The following PRELID2 variants were observed in gnomAD, a reference collection of about 807,000 sequenced individuals.
PRELID2 encodes PRELI domain-containing protein 2.
Under a neutral mutation model 28.4 loss-of-function variants are expected in PRELID2, and 25 were observed. The ratio of observed to expected loss-of-function variants is 0.88; its 90% confidence interval spans 0.64 to 1.23. PRELID2 has a LOEUF of 1.23. Ranked by LOEUF, PRELID2 falls within the 50% of genes most tolerant of loss-of-function variation. PRELID2 has a pLI of 0.00. For synonymous variants in PRELID2, 76 were observed against 71.6 expected, an observed-to-expected ratio of 1.06 and a Z score of -0.31; for missense variants, 201 against 214.4, an observed-to-expected ratio of 0.94 and a Z score of 0.39.
At chr5:145,563,066 G>A (rs768757471) in intron 1 of PRELID2, among the ~76,000 whole-genome samples, 2 of 152,182 alleles carry the variant, frequency 1.3e-5, no homozygotes, top group African/African-American at 2.4e-5. Context: ...CTTTGTTAAT[G>A]TGGCTCATGC....
At chr5:145,305,860 T>A in the PRELID2 span, among the ~76,000 whole-genome samples, 1 of 152,118 alleles carries the variant, frequency 6.6e-6, no homozygotes, top group South Asian at 2.1e-4. Context: ...CTTCCCCACA[T>A]CTCTTACCCT....
Position 145,785,798 on chromosome 5 carries a change from A to G in PRELID2, c.474+10644T>C, listed in dbSNP as rs572891657. Among the ~76,000 whole-genome samples the G allele has an allele frequency of 1.3e-4, 20 of 152,352 alleles. No individual in the cohort carries two copies. The South Asian group carries it at 4.1e-3, about 32-fold the overall frequency. ...TTGTGCCATCAGGGTGTAAGTCTCT[A>G]TCTAGCAAGACCTTCACCCTCCAAC... On this transcript the variant is annotated intron_variant, in intron 5 of 6. Coordinates refer to ENST00000683046, the MANE Select transcript of PRELID2 (RefSeq NM_205846.3).
intron 1 of PRELID2, among the ~76,000 whole-genome samples, chr5:145,615,828 A>G (rs1489044183): frequency 6.6e-6 from 1 of 152,136 alleles, no homozygotes; most frequent in Non-Finnish European, 1.5e-5. Context: ...TTCATTTTAC[A>G]AGTCCTGTAA....
At chr5:145,765,847 T>C (rs537864060) in intron 5 of PRELID2, among the ~76,000 whole-genome samples, 141 of 152,342 alleles carry the variant, frequency 9.3e-4, no homozygotes, top group Non-Finnish European at 1.6e-3. Context: ...ACCCACATTT[T>C]ACTGACGAGG....
the PRELID2 span, chr5:145,337,863 GTTC>G: frequency 2.0e-5 from 3 of 151,224 alleles, no homozygotes; most frequent in Non-Finnish European, 4.4e-5. Context: ...ACATGGATGT[GTTC>G]TTCTTGTTCA....
chr5:145,229,438 C>G, the PRELID2 span: 11 of 805,068 alleles, frequency 1.4e-5, no homozygotes, highest in Non-Finnish European at 2.4e-5. Flanking sequence ...CAGGTCTCTA[C>G]ACAAAGATCC....
At chr5:145,706,712 AAAT>A (rs555773057) in intron 1 of PRELID2, among the ~76,000 whole-genome samples, 1 of 152,226 alleles carries the variant, frequency 6.6e-6, no homozygotes, top group Admixed American at 6.5e-5. Flanking sequence ...ATATAAAATA[AAAT>A]AATAATAACA....
chr5:145,707,764 T>C (rs957101493), intron 1 of PRELID2, among the ~76,000 whole-genome samples: 2 of 152,156 alleles, frequency 1.3e-5, no homozygotes, highest in Non-Finnish European at 2.9e-5. Flanking sequence ...TCTTCCTGAT[T>C]TGGAAGTTCC....
the PRELID2 span, among the ~76,000 whole-genome samples, chr5:145,251,804 G>A: frequency 6.6e-6 from 1 of 151,894 alleles, no homozygotes; most frequent in Non-Finnish European, 1.5e-5. Context: ...CTTTTACCTG[G>A]TAGTCAACCA....
the PRELID2 span, among the ~76,000 whole-genome samples, chr5:145,390,393 C>A: frequency 6.6e-6 from 1 of 152,164 alleles, no homozygotes; most frequent in East Asian, 1.9e-4. Context: ...AACTTAAAAT[C>A]ATGGTGGACA....
chr5:145,602,161 A>G (rs1224476208), intron 1 of PRELID2, among the ~76,000 whole-genome samples: 4 of 152,212 alleles, frequency 2.6e-5, no homozygotes, highest in Non-Finnish European at 5.9e-5. Flanking sequence ...TATATAAAAT[A>G]TAATAGTAAA....
At chr5:145,405,271 G>A in the PRELID2 span, among the ~76,000 whole-genome samples, 1 of 152,094 alleles carries the variant, frequency 6.6e-6, no homozygotes, top group Non-Finnish European at 1.5e-5. Flanking sequence ...CAAGTAGAAG[G>A]ACTTAACAGC....
chr5:145,777,101 T>C (rs1002291790), intron 5 of PRELID2, among the ~76,000 whole-genome samples: 7 of 152,186 alleles, frequency 4.6e-5, no homozygotes. Context: ...ATTCACGTCT[T>C]ATATGGAATT....
intron 1 of PRELID2, among the ~76,000 whole-genome samples, chr5:145,740,868 CGA>C (rs1756681860): frequency 8.3e-5 from 4 of 48,206 alleles, no homozygotes; most frequent in Non-Finnish European, 1.6e-4. Context: ...ATATATTTAT[CGA>C]TAAATATATA....
At chr5:145,576,442 A>G (rs928925950) in intron 1 of PRELID2, among the ~76,000 whole-genome samples, 1 of 152,164 alleles carries the variant, frequency 6.6e-6, no homozygotes, top group African/African-American at 2.4e-5. Flanking sequence ...AGCATGTATC[A>G]GTACTTTGCT....
the PRELID2 span, among the ~76,000 whole-genome samples, chr5:145,303,618 G>A: frequency 1.3e-5 from 2 of 152,100 alleles, no homozygotes; most frequent in Non-Finnish European, 2.9e-5. Flanking sequence ...GAGCTTTGAT[G>A]GAAAGCACTG....
At chr5:145,311,942 T>C in the PRELID2 span, among the ~76,000 whole-genome samples, 4 of 152,150 alleles carry the variant, frequency 2.6e-5, no homozygotes, top group Admixed American at 2.0e-4. Context: ...ATATTCATGG[T>C]GTACAACATA....
chr5:145,643,886 T>G (rs1754151552), intron 1 of PRELID2, among the ~76,000 whole-genome samples: 1 of 152,218 alleles, frequency 6.6e-6, no homozygotes, highest in African/African-American at 2.4e-5. Flanking sequence ...GTGGATAAGC[T>G]TTTTGATGTA....
At chr5:145,577,001 C>T (rs1043932391) in intron 1 of PRELID2, among the ~76,000 whole-genome samples, 2 of 152,100 alleles carry the variant, frequency 1.3e-5, no homozygotes, top group Non-Finnish European at 2.9e-5. Flanking sequence ...TTGCAGCGTT[C>T]CTGAATTTAA....
Sources: allele counts gnomAD v4.1 joint callset (sites outside exome capture counted in the v4.1 genomes callset), GRCh38; gene constraint gnomAD v4.1.1; transcripts MANE v1.5; gene names NCBI Gene and HGNC (gene_info 2026-07-23, HGNC 2026-07-21).